The following SYNRG variants were observed in gnomAD, a reference collection of about 807,000 sequenced individuals.
The protein encoded by SYNRG is AP1 gamma subunit binding protein 1.
Under a neutral mutation model 130.9 loss-of-function variants are expected in SYNRG, and 37 were observed. The ratio of observed to expected loss-of-function variants is 0.28; its 90% CI spans 0.22 to 0.37. The LOEUF (loss-of-function observed/expected upper bound fraction) is 0.37, where lower values mean the gene tolerates loss of function less well. Ranked by LOEUF, SYNRG falls within the 10% of genes least tolerant of loss-of-function variation. The pLI is 1.00. For synonymous variants in SYNRG, 539 were observed against 568.1 expected (o/e 0.95, Z 0.73); for missense variants, 1,338 against 1,588.9 (o/e 0.84, Z 2.68).
intron 19 of SYNRG, among the ~76,000 whole-genome samples, chr17:37,534,732 A>G (rs2057025329): frequency 6.6e-6 from 1 of 152,152 alleles, no homozygotes; most frequent in Admixed American, 6.5e-5. Flanking sequence ...AAACTCTTAA[A>G]GACTTTAATA....
Position 37,529,764 on chromosome 17 carries a change from C to T in SYNRG, c.3666+6215G>A, listed in dbSNP as rs769229416. 444 of 1,549,754 alleles carry T rather than the reference C, an allele frequency of 2.9e-4. 1 individual carries two copies. The highest frequency in any genetic ancestry group is 5.0e-4 in the Middle Eastern group (3 of 6,010). On this transcript the variant is annotated intron_variant, in intron 19 of 21. Coordinates refer to ENST00000612223, the MANE Select transcript of SYNRG (RefSeq NM_007247.6). The stretch of plus-strand genomic sequence containing the variant: ...CCCAAATTCACAAGCTTGGCAAGTA[C>T]GCCTGGTCTCTGTGATACCTTTTCT...
intron 6 of SYNRG, among the ~76,000 whole-genome samples, chr17:37,580,510 T>TGTGTGAGAGAGAGAGAGA (rs1384344164): frequency 7.8e-6 from 1 of 127,660 alleles, no homozygotes; most frequent in Admixed American, 8.0e-5. Flanking sequence ...TGTGTGTGTG[T>TGTGTGAGAGAGAGAGAGA]GAGAGAGAGA....
At chr17:37,550,003 G>T (rs954747745) in intron 14 of SYNRG, among the ~76,000 whole-genome samples, 1 of 152,086 alleles carries the variant, frequency 6.6e-6, no homozygotes, top group Non-Finnish European at 1.5e-5. Context: ...TACATTTACT[G>T]TGCTCAGAAG....
chr17:37,570,236 T>G (rs898844812), intron 10 of SYNRG, among the ~76,000 whole-genome samples: 1 of 149,698 alleles, frequency 6.7e-6, no homozygotes, highest in Non-Finnish European at 1.5e-5. Flanking sequence ...ACTGCAGACT[T>G]GAACTCCTGG....
intron 14 of SYNRG, among the ~76,000 whole-genome samples, chr17:37,543,597 A>C (rs1240607032): frequency 1.3e-5 from 2 of 152,210 alleles, no homozygotes; most frequent in African/African-American, 4.8e-5. Flanking sequence ...TATGACCATC[A>C]ACCATGATCA....
At chr17:37,557,693 A>T (rs979948528) in intron 13 of SYNRG, among the ~76,000 whole-genome samples, 3 of 152,202 alleles carry the variant, frequency 2.0e-5, no homozygotes, top group Non-Finnish European at 2.9e-5. Context: ...AGCCTGGGCA[A>T]CACAGCAAGA....
intron 2 of SYNRG, among the ~76,000 whole-genome samples, chr17:37,598,491 T>C (rs943846247): frequency 1.3e-5 from 2 of 152,212 alleles, no homozygotes; most frequent in Non-Finnish European, 1.5e-5. Context: ...CTGATTTTAT[T>C]TTATTTCTGA....
intron 15 of SYNRG, chr17:37,541,729 T>C (rs538008302): frequency 5.8e-5 from 33 of 567,576 alleles, no homozygotes; most frequent in Admixed American, 5.6e-4. Flanking sequence ...CCAAACGAGC[T>C]AATGAGCAAT....
intron 11 of SYNRG, among the ~76,000 whole-genome samples, chr17:37,562,774 C>T (rs969018497): frequency 3.3e-5 from 5 of 151,880 alleles, no homozygotes; most frequent in Non-Finnish European, 7.4e-5. Flanking sequence ...TTAAAAGTTC[C>T]ATAAGTAATT....
At chr17:37,609,140 G>T in intron 1 of SYNRG, 139 bp downstream of exon 1, 1 of 1,039,246 alleles carries the variant, frequency 9.6e-7, no homozygotes, top group Non-Finnish European at 1.3e-6. Context: ...TTCGGCCTGG[G>T]TCCCTGGGGG....
At chr17:37,579,219 T>C (rs967775595) in intron 6 of SYNRG, 2 of 1,266,034 alleles carry the variant, frequency 1.6e-6, no homozygotes, top group Non-Finnish European at 2.1e-6. Context: ...GGCACTGGAC[T>C]CTGACTTGGA....
chr17:37,569,419 A>AG (rs1339499164), intron 10 of SYNRG, among the ~76,000 whole-genome samples: 22 of 150,804 alleles, frequency 1.5e-4, no homozygotes, highest in Non-Finnish European at 3.2e-4. Flanking sequence ...GAAAAAAAAA[A>AG]AAAAAAAAAG....
chr17:37,564,924 T>G (rs1040576452), intron 11 of SYNRG, among the ~76,000 whole-genome samples: 2 of 152,226 alleles, frequency 1.3e-5, no homozygotes, highest in African/African-American at 4.8e-5. Flanking sequence ...AAATGTTTGC[T>G]GGATGAATAA....
chr17:37,520,207 T>C lies in SYNRG; in HGVS notation c.3785A>G (p.Glu1262Gly). ...LNVDSRSRKE[E>G]KPAEEHPKKA... is the part of the protein sequence containing the mutation. The stretch of plus-strand genomic sequence containing the variant: ...TTTAGGATGTTCTTCTGCAGGCTTC[T>C]CTTCTTTCTGAAATAACGTTGAAAC... Residue 1262 changes from glutamate to glycine, a missense_variant, in exon 21 of 22, where the codon GAG (glutamate) becomes GGG (glycine). Around this residue, in one of 3 missense-constraint regions of SYNRG, gnomAD observed 1,146 missense variants for 1,342.3 expected, o/e 0.85. Coordinates refer to ENST00000612223, the MANE Select transcript of SYNRG (RefSeq NM_007247.6). 6.2e-7 allele frequency: 1 copy of C among 1,614,200 alleles called. No individual in the cohort carries two copies. Among genetic ancestry groups the C allele is most frequent in the Non-Finnish European group, 8.5e-7 (1 of 1,180,024 alleles).
intron 6 of SYNRG, chr17:37,578,996 G>T: frequency 1.7e-6 from 1 of 592,674 alleles, no homozygotes. Context: ...CACTTGTTTT[G>T]TTGAATTTCA....
chr17:37,577,311 G>T, intron 7 of SYNRG, 69 bp downstream of exon 7: 1 of 1,408,302 alleles, frequency 7.1e-7, no homozygotes, highest in Non-Finnish European at 1.0e-6. Context: ...GAAGATTAAT[G>T]CTTAAGGTGT....
chr17:37,594,847 C>T (rs558430362), intron 3 of SYNRG, among the ~76,000 whole-genome samples: 30 of 152,198 alleles, frequency 2.0e-4, no homozygotes, highest in African/African-American at 7.0e-4. Flanking sequence ...ATGTTAAGGC[C>T]ACATTACTTT....
At chr17:37,599,963 C>T (rs1259295207) in intron 2 of SYNRG, among the ~76,000 whole-genome samples, 1 of 152,064 alleles carries the variant, frequency 6.6e-6, no homozygotes, top group Non-Finnish European at 1.5e-5. Context: ...ACAAATAATG[C>T]TAGATGAGCA....
intron 19 of SYNRG, among the ~76,000 whole-genome samples, chr17:37,525,663 T>C (rs1434958324): frequency 1.3e-5 from 2 of 151,886 alleles, no homozygotes; most frequent in Non-Finnish European, 2.9e-5. Flanking sequence ...CAAAGCCCCG[T>C]CTCTACTAAA....
Sources: allele counts gnomAD v4.1 joint callset (sites outside exome capture counted in the v4.1 genomes callset), GRCh38; gene constraint gnomAD v4.1.1; regional missense constraint gnomAD v4.1.1; transcripts MANE v1.5; gene names NCBI Gene and HGNC (gene_info 2026-07-23, HGNC 2026-07-21).